The following PPP1R14C variants were observed in gnomAD, a reference collection of about 807,000 sequenced individuals.
The protein encoded by PPP1R14C is protein phosphatase 1 regulatory inhibitor subunit 14C.
In PPP1R14C, 16 loss-of-function variants were observed where a neutral mutation model predicts 20.4. That is an observed-to-expected ratio of 0.78 (90% CI 0.53 to 1.19). The LOEUF (loss-of-function observed/expected upper bound fraction) is 1.19. Ranked by LOEUF, PPP1R14C falls within the 50% of genes most tolerant of loss-of-function variation. The pLI is 0.00. For synonymous variants in PPP1R14C, 91 were observed against 91.0 expected (o/e 1.00, Z 0.00); for missense variants, 211 against 220.1 (o/e 0.96, Z 0.26).
At chr6:150,144,875 T>C (rs1200439280) in intron 1 of PPP1R14C, among the ~76,000 whole-genome samples, 1 of 152,240 alleles carries the variant, frequency 6.6e-6, no homozygotes, top group East Asian at 1.9e-4. Flanking sequence ...GAGATTTTTA[T>C]AGGAAGTTGG....
intron 1 of PPP1R14C, among the ~76,000 whole-genome samples, chr6:150,200,783 C>T (rs1378829053): frequency 6.6e-6 from 1 of 152,232 alleles, no homozygotes; most frequent in African/African-American, 2.4e-5. Flanking sequence ...CACTGAGAGC[C>T]TGAATCCATT....
chr6:150,229,298 A>G (rs1582929203), intron 3 of PPP1R14C, among the ~76,000 whole-genome samples: 1 of 152,240 alleles, frequency 6.6e-6, no homozygotes, highest in African/African-American at 2.4e-5. Flanking sequence ...AGTTATTTAT[A>G]CTTTAGTTCC....
intron 1 of PPP1R14C, among the ~76,000 whole-genome samples, chr6:150,149,065 A>AG (rs1001664019): frequency 6.6e-6 from 1 of 152,146 alleles, no homozygotes; most frequent in Non-Finnish European, 1.5e-5. Flanking sequence ...TCAAATAAAA[A>AG]GAAAAAAAAA....
chr6:150,242,576 A>T (rs1778445607), intron 3 of PPP1R14C, among the ~76,000 whole-genome samples: 1 of 152,244 alleles, frequency 6.6e-6, no homozygotes, highest in African/African-American at 2.4e-5. Flanking sequence ...TTGATAAAAA[A>T]TATCTGCAAA....
chr6:150,226,003 G>T (rs1289455930), intron 3 of PPP1R14C, among the ~76,000 whole-genome samples: 1 of 152,208 alleles, frequency 6.6e-6, no homozygotes, highest in Admixed American at 6.5e-5. Flanking sequence ...GTCACCTTCT[G>T]TCATATACTT....
chr6:150,189,233 C>T (rs1208398257), intron 1 of PPP1R14C, among the ~76,000 whole-genome samples: 1 of 152,128 alleles, frequency 6.6e-6, no homozygotes, highest in Admixed American at 6.5e-5. Flanking sequence ...TTCTGGACAG[C>T]ACTGAGATCA....
intron 1 of PPP1R14C, among the ~76,000 whole-genome samples, chr6:150,183,133 ATTCT>A (rs1777640471): frequency 1.3e-5 from 2 of 152,146 alleles, no homozygotes; most frequent in East Asian, 3.9e-4. Flanking sequence ...TGTTTTTTTA[ATTCT>A]ATCTTTCATG....
intron 3 of PPP1R14C, among the ~76,000 whole-genome samples, chr6:150,222,169 A>G (rs1438583799): frequency 1.3e-5 from 2 of 152,248 alleles, no homozygotes; most frequent in African/African-American, 4.8e-5. Context: ...CACTTAGCAG[A>G]TGCCGGGTGC....
intron 1 of PPP1R14C, among the ~76,000 whole-genome samples, chr6:150,147,804 T>C (rs773920064): frequency 6.6e-6 from 1 of 152,178 alleles, no homozygotes; most frequent in Non-Finnish European, 1.5e-5. Context: ...CCTGACTTAT[T>C]ATACCTTTCA....
chr6:150,245,644 G>A (rs977670912), intron 3 of PPP1R14C, among the ~76,000 whole-genome samples: 1 of 152,218 alleles, frequency 6.6e-6, no homozygotes, highest in African/African-American at 2.4e-5. Context: ...CTAAATCAGT[G>A]TCTGTAACCC....
At chr6:150,166,129 G>T (rs1172652234) in intron 1 of PPP1R14C, among the ~76,000 whole-genome samples, 1 of 151,412 alleles carries the variant, frequency 6.6e-6, no homozygotes, top group Non-Finnish European at 1.5e-5. Context: ...TGTCCAGGCT[G>T]GGGTGCAGTG....
At chr6:150,171,239 G>A (rs376172105) in intron 1 of PPP1R14C, among the ~76,000 whole-genome samples, 18 of 152,098 alleles carry the variant, frequency 1.2e-4, no homozygotes, top group Non-Finnish European at 1.8e-4. Flanking sequence ...ACATTCTCTC[G>A]TTATTGTGTT....
At chr6:150,226,008 A>G (rs7741317) in intron 3 of PPP1R14C, among the ~76,000 whole-genome samples, 1 of 152,106 alleles carries the variant, frequency 6.6e-6, no homozygotes, top group Non-Finnish European at 1.5e-5. Flanking sequence ...CTTCTGTCAT[A>G]TACTTTGGGT....
At chr6:150,194,356 C>T (rs1777778988) in intron 1 of PPP1R14C, 2 of 654,116 alleles carry the variant, frequency 3.1e-6, no homozygotes, top group South Asian at 6.8e-5. Flanking sequence ...AGGATTTGGA[C>T]ACAGCTTGAG....
intron 1 of PPP1R14C, among the ~76,000 whole-genome samples, chr6:150,154,779 G>T (rs1361627585): frequency 6.6e-6 from 1 of 152,084 alleles, no homozygotes; most frequent in Admixed American, 6.6e-5. Context: ...GTAAGGATTA[G>T]ATTAATAACT....
intron 1 of PPP1R14C, among the ~76,000 whole-genome samples, chr6:150,174,463 A>T (rs917858072): frequency 2.6e-5 from 4 of 151,326 alleles, no homozygotes; most frequent in Non-Finnish European, 5.9e-5. Context: ...TGATCCGCCC[A>T]CCTTGGCCTC....
chr6:150,153,938 C>T (rs1777278127), intron 1 of PPP1R14C, among the ~76,000 whole-genome samples: 1 of 152,150 alleles, frequency 6.6e-6, no homozygotes, highest in Non-Finnish European at 1.5e-5. Flanking sequence ...AAGCTTCACC[C>T]TTTTAAACTG....
chr6:150,214,978 A>G (rs1443246933), intron 2 of PPP1R14C, 151 bp downstream of exon 2: 1 of 595,648 alleles, frequency 1.7e-6, no homozygotes, highest in Admixed American at 3.3e-5. Context: ...ATGGGCTGCT[A>G]AGTGTTCACT....
chr6:150,219,394 T>A (rs1324434249), intron 3 of PPP1R14C, among the ~76,000 whole-genome samples: 1 of 152,012 alleles, frequency 6.6e-6, no homozygotes. Flanking sequence ...TTTTGTATTT[T>A]TAGTAGAGAT....
Sources: allele counts gnomAD v4.1 joint callset (sites outside exome capture counted in the v4.1 genomes callset), GRCh38; gene constraint gnomAD v4.1.1; transcripts MANE v1.5; gene names NCBI Gene and HGNC (gene_info 2026-07-23, HGNC 2026-07-21).